STK32B: variants seen among roughly 807,000 people sequenced by gnomAD.
STK32B encodes serine/threonine-protein kinase 32B.
In STK32B, 43 loss-of-function variants were observed where a neutral mutation model predicts 52.6. That is an observed-to-expected ratio of 0.82 (90% CI 0.64 to 1.05). The LOEUF (loss-of-function observed/expected upper bound fraction) is 1.05. STK32B is among the 50% of genes least tolerant of loss of function. The probability of loss-of-function intolerance (pLI) is 0.00; values close to 1 mark genes in which losing one functional copy is unlikely to be tolerated. For missense variants in STK32B, 621 were observed against 534.6 expected (o/e 1.16, Z -1.59); for synonymous variants, 238 against 204.3 (o/e 1.17, Z -1.41).
At chr4:5,049,321 C>T (rs111935135), upstream of STK32B, among the ~76,000 whole-genome samples, 4 of 152,288 alleles carry the variant, frequency 2.6e-5, no homozygotes, top group East Asian at 1.9e-4. Flanking sequence ...CTCAGCCTCC[C>T]GAGTAGCCGG....
intron 3 of STK32B, among the ~76,000 whole-genome samples, chr4:5,196,020 C>G (rs1027843631): frequency 3.3e-5 from 5 of 152,196 alleles, no homozygotes; most frequent in Non-Finnish European, 4.4e-5. Context: ...AAAGTTATGG[C>G]CTGAGACCGG....
intron 3 of STK32B, among the ~76,000 whole-genome samples, chr4:5,312,476 C>G (rs1730363579): frequency 1.3e-5 from 2 of 150,400 alleles, no homozygotes; most frequent in African/African-American, 4.9e-5. Context: ...TGTGATGTTC[C>G]CCTTCCTGCG....
chr4:5,159,760 T>A (rs1279809111), intron 2 of STK32B, among the ~76,000 whole-genome samples: 1 of 141,014 alleles, frequency 7.1e-6, no homozygotes, highest in Non-Finnish European at 1.5e-5. Flanking sequence ...TGTATATGAA[T>A]ATATATATGA....
intron 1 of STK32B, among the ~76,000 whole-genome samples, chr4:5,100,705 C>CATT (rs796090969): frequency 2.4e-5 from 1 of 42,010 alleles, no homozygotes; most frequent in Non-Finnish European, 4.3e-5. Flanking sequence ...TTCCTTCCTT[C>CATT]CTTTCTTCCT....
rs1193462359 is a variant in STK32B, at chr4:5,489,621, A to ATTTTTTTTTTTTT, written c.1107-9318_1107-9317insTTTTTTTTTTTTT. Among the ~76,000 whole-genome samples the ATTTTTTTTTTTTT allele has an allele frequency of 3.3e-5, 5 of 151,702 alleles. No homozygotes were observed. In the East Asian group the frequency reaches 8.0e-4, roughly 24 times the overall value. ...ACAACAATTTTATTTTATTTTATTT[A>ATTTTTTTTTTTTT]TTTTTTATTATTTTTTTTGAGATGG... On this transcript the variant is annotated intron_variant, in intron 11 of 11. Coordinates refer to ENST00000282908, the MANE Select transcript of STK32B (RefSeq NM_018401.3).
chr4:5,294,304 G>A (rs1729061264), intron 3 of STK32B, among the ~76,000 whole-genome samples: 1 of 151,776 alleles, frequency 6.6e-6, no homozygotes, highest in Non-Finnish European at 1.5e-5. Flanking sequence ...ATTTAAAGTA[G>A]TTTTTTTTCT....
At chr4:5,268,266 C>T (rs1417321297) in intron 3 of STK32B, among the ~76,000 whole-genome samples, 1 of 152,160 alleles carries the variant, frequency 6.6e-6, no homozygotes, top group African/African-American at 2.4e-5. Context: ...ACCCCTGCTT[C>T]TCTCACCACA....
chr4:5,407,147 G>A (rs567027356), intron 5 of STK32B, among the ~76,000 whole-genome samples: 123 of 152,124 alleles, frequency 8.1e-4, no homozygotes, highest in African/African-American at 2.7e-3. Flanking sequence ...TCACTCTCAA[G>A]TTCAAAATTC....
At chr4:5,434,070 G>A (rs371765979) in intron 6 of STK32B, among the ~76,000 whole-genome samples, 13 of 152,250 alleles carry the variant, frequency 8.5e-5, no homozygotes, top group African/African-American at 2.4e-4. Flanking sequence ...AGTAGGTGAG[G>A]CTGATCTTTC....
At chr4:5,319,078 A>G (rs976708832) in intron 3 of STK32B, among the ~76,000 whole-genome samples, 11 of 152,168 alleles carry the variant, frequency 7.2e-5, no homozygotes, top group African/African-American at 2.4e-4. Context: ...TGCTGGGATT[A>G]CAGGCGTGAG....
In STK32B at chr4:5,058,468, T is replaced by C. The variant is rs140398573; in HGVS notation, c.52+6553T>C. Among the ~76,000 whole-genome samples the C allele has an allele frequency of 6.6e-6, 1 of 152,266 alleles. No individual in the cohort carries two copies. The highest frequency in any genetic ancestry group is 1.5e-5 in the Non-Finnish European group (1 of 68,022). ...ACTTATTTCAGTCTGGTTCCCAGAG[T>C]GAGAACAACATGGATCAGAGATCAC... On this transcript the variant is annotated intron_variant, in intron 1 of 11. Transcript: ENST00000282908. This position sits in a 1 kb window ranked among gnomAD's most constrained non-coding sequence, Gnocchi z 4.8.
At chr4:5,413,766 G>A (rs751643283) in intron 5 of STK32B, among the ~76,000 whole-genome samples, 1 of 152,176 alleles carries the variant, frequency 6.6e-6, no homozygotes, top group Non-Finnish European at 1.5e-5. Context: ...CTGAGAGGCT[G>A]ATCACATGGG....
rs951442375 is a variant in STK32B at position 5,469,496 on chromosome 4, G to T, written c.1106+1426G>T. Among the ~76,000 whole-genome samples the T allele has an allele frequency of 6.6e-6, 1 of 152,206 alleles. No homozygotes were observed. The highest frequency in any genetic ancestry group is 1.5e-5 in the Non-Finnish European group (1 of 68,040). ...AGAGAAGGAAGACAGCATGGCTGCC[G>T]CAGGGCCTAGAGAGTGAGGAGAGGT... On this transcript the variant is annotated intron_variant, in intron 11 of 11. Transcript: ENST00000282908. The surrounding 1 kb of genome is among the most constrained non-coding windows in gnomAD (Gnocchi z 4.7).
intron 3 of STK32B, among the ~76,000 whole-genome samples, chr4:5,227,242 C>T (rs1723935752): frequency 2.6e-5 from 4 of 152,130 alleles, no homozygotes; most frequent in South Asian, 4.1e-4. Flanking sequence ...TTACAGAATC[C>T]GAAATCATGT....
chr4:5,200,807 C>T (rs1415343381), intron 3 of STK32B, among the ~76,000 whole-genome samples: 2 of 152,140 alleles, frequency 1.3e-5, no homozygotes, highest in Non-Finnish European at 2.9e-5. Flanking sequence ...GGAAGCCTTA[C>T]AGACTCCAGG....
chr4:5,168,277 C>T (rs1334391739), intron 2 of STK32B, 22 bp from the exon 3 acceptor site: 5 of 1,597,834 alleles, frequency 3.1e-6, no homozygotes, highest in African/African-American at 2.7e-5. Context: ...CCTGACTGTT[C>T]TCTCCTTTGG....
chr4:5,465,117 G>C (rs1717336903), intron 9 of STK32B, among the ~76,000 whole-genome samples: 1 of 152,166 alleles, frequency 6.6e-6, no homozygotes, highest in East Asian at 1.9e-4. Context: ...ATGAGGCCCA[G>C]CCTCTAGGAC....
At chr4:5,245,696 C>T (rs1326955053) in intron 3 of STK32B, among the ~76,000 whole-genome samples, 18 of 152,212 alleles carry the variant, frequency 1.2e-4, no homozygotes, top group East Asian at 5.8e-4. Flanking sequence ...GGCATGTTTT[C>T]GCAGTGGCTG....
chr4:5,094,007 A>C (rs1713245773), intron 1 of STK32B, among the ~76,000 whole-genome samples: 1 of 152,184 alleles, frequency 6.6e-6, no homozygotes, highest in Admixed American at 6.5e-5. Flanking sequence ...CAAGAAAATG[A>C]ATCCACGATA....
Sources: gnomAD v4.1 joint callset for allele counts (sites outside exome capture counted in the v4.1 genomes callset) on GRCh38, gnomAD v4.1.1 for gene constraint, Gnocchi (gnomAD v3.1) non-coding constraint, MANE v1.5 for transcripts, NCBI Gene and HGNC (gene_info 2026-07-23, HGNC 2026-07-21) for gene names.